The following TRAPPC9 variants were observed in gnomAD, a reference collection of about 807,000 sequenced individuals.
The protein encoded by TRAPPC9 is IKK2 binding protein.
Under a neutral mutation model 124.0 loss-of-function variants are expected in TRAPPC9, and 83 were observed. The observed-to-expected ratio is 0.67, with a 90% confidence interval of 0.56 to 0.80. The LOEUF is 0.80. Among genes scored for constraint, TRAPPC9 ranks in the 30% least tolerant of loss-of-function variants. The pLI is 0.00. For missense variants in TRAPPC9, 1,302 were observed against 1,508.3 expected (o/e 0.86, Z 2.27); for synonymous variants, 638 against 617.5 (o/e 1.03, Z -0.49).
chr8:140,059,273 T>C (rs1842454816), intron 17 of TRAPPC9, among the ~76,000 whole-genome samples: 1 of 152,238 alleles, frequency 6.6e-6, no homozygotes, highest in East Asian at 1.9e-4. Context: ...TTGAAATTCA[T>C]CCACGTTCTT....
chr8:140,333,466 C>T (rs973241094), intron 9 of TRAPPC9, among the ~76,000 whole-genome samples: 3 of 152,184 alleles, frequency 2.0e-5, no homozygotes, highest in East Asian at 1.9e-4. Flanking sequence ...GATCTCAGCT[C>T]GTTGCAACCT....
At chr8:140,374,887 GTAA>G (rs1443299950) in intron 7 of TRAPPC9, among the ~76,000 whole-genome samples, 1 of 152,200 alleles carries the variant, frequency 6.6e-6, no homozygotes, top group Non-Finnish European at 1.5e-5. Context: ...ACTATGATCA[GTAA>G]TAATATTACT....
intron 21 of TRAPPC9, among the ~76,000 whole-genome samples, chr8:139,813,660 G>A (rs1824600853): frequency 2.0e-5 from 3 of 152,194 alleles, no homozygotes; most frequent in Admixed American, 2.0e-4. Flanking sequence ...CTAGTTGAGG[G>A]GCCTCGGAAA....
rs191963694 is a variant in TRAPPC9 at position 140,447,017 on chromosome 8, C to T, written c.584+3773G>A. ...TGCCTTCATGCACGGCCCACAGCCA[C>T]AGCCGGGAATCACAGGCCAGAAACG... On this transcript the variant is annotated intron_variant, in intron 2 of 22. Coordinates refer to ENST00000438773, the MANE Select transcript of TRAPPC9 (RefSeq NM_001160372.4). 4.6e-3 allele frequency among the ~76,000 whole-genome samples: 695 copies of T among 152,364 alleles called. 4 individuals carry two copies. Among genetic ancestry groups the T allele is most frequent in the Non-Finnish European group, 7.3e-3 (497 of 68,040 alleles).
At chr8:140,026,078 C>T (rs1840130942) in intron 17 of TRAPPC9, among the ~76,000 whole-genome samples, 1 of 152,200 alleles carries the variant, frequency 6.6e-6, no homozygotes, top group Admixed American at 6.5e-5. Flanking sequence ...CTCTAGGCAC[C>T]TTGCATGAGT....
chr8:139,925,654 A>G (rs7824464), intron 19 of TRAPPC9, among the ~76,000 whole-genome samples: 10,367 of 151,866 alleles, frequency 0.068, 986 homozygotes, highest in African/African-American at 0.22. Flanking sequence ...AGGCTGAGGC[A>G]GGAGGATTGC....
In TRAPPC9 at chr8:139,896,355, T is replaced by C. The variant is rs1342070199; in HGVS notation, c.2965-10386A>G. Among the ~76,000 whole-genome samples, 6 of 152,348 alleles carry C rather than the reference T, an allele frequency of 3.9e-5. No homozygotes were observed. The South Asian group carries it at 8.3e-4, about 21-fold the overall frequency. ...ATGACAATAGTAGTTCCTATCATTA[T>C]TGCCACTATAGAGAACATTTCCAAG... On this transcript the variant is annotated intron_variant, in intron 20 of 22. Coordinates refer to ENST00000438773, the MANE Select transcript of TRAPPC9 (RefSeq NM_001160372.4).
At chr8:140,140,818 C>T (rs1587794372) in intron 17 of TRAPPC9, among the ~76,000 whole-genome samples, 2 of 152,260 alleles carry the variant, frequency 1.3e-5, no homozygotes, top group East Asian at 3.9e-4. Context: ...CCAGGCTCAA[C>T]TTCCACTAGA....
intron 2 of TRAPPC9, among the ~76,000 whole-genome samples, chr8:140,448,145 CAAAAA>C (rs56941791): frequency 1.1e-5 from 1 of 90,106 alleles, no homozygotes; most frequent in Non-Finnish European, 2.2e-5. Context: ...GACACCATCT[CAAAAA>C]AAAAAAAAAA....
At chr8:139,832,833 A>AT (rs1826079087) in intron 21 of TRAPPC9, among the ~76,000 whole-genome samples, 1 of 152,076 alleles carries the variant, frequency 6.6e-6, no homozygotes, top group Non-Finnish European at 1.5e-5. Context: ...CGTCCTCCCC[A>AT]TGAGGGTGTG....
At chr8:139,926,852 G>A (rs550699140) in intron 19 of TRAPPC9, among the ~76,000 whole-genome samples, 45 of 152,188 alleles carry the variant, frequency 3.0e-4, no homozygotes, top group African/African-American at 1.0e-3. Context: ...TGCATCAAAT[G>A]TAAAACTTTT....
At position 139,731,036 on chromosome 8, in the gene TRAPPC9, G is replaced by T. The variant is rs759094680; in HGVS notation, c.*25C>A. The T allele has an allele frequency of 3.7e-6, 6 of 1,610,496 alleles. No individual in the cohort carries two copies. The highest frequency in any genetic ancestry group is 5.1e-6 in the Non-Finnish European group (6 of 1,179,484). ...AGGCAGGGTCACCTCTGGCCCTGCA[G>T]AAAGAGGGACGGAAGTAGGCGGGCT... is the stretch of plus-strand genomic sequence containing the variant. On this transcript the variant is annotated 3_prime_UTR_variant, in exon 23 of 23. Coordinates refer to ENST00000438773, the MANE Select transcript of TRAPPC9 (RefSeq NM_001160372.4).
chr8:139,786,378 G>A (rs959926524), intron 21 of TRAPPC9, among the ~76,000 whole-genome samples: 3 of 152,206 alleles, frequency 2.0e-5, no homozygotes, highest in African/African-American at 7.2e-5. Flanking sequence ...TAATCCGTTA[G>A]AGGGCCTAGG....
At chr8:140,071,967 A>G (rs1843180206) in intron 17 of TRAPPC9, among the ~76,000 whole-genome samples, 1 of 152,222 alleles carries the variant, frequency 6.6e-6, no homozygotes, top group Non-Finnish European at 1.5e-5. Flanking sequence ...AATGATTAAA[A>G]TCACACAATC....
At chr8:140,035,048 AC>A (rs527427237) in intron 17 of TRAPPC9, among the ~76,000 whole-genome samples, 2 of 152,252 alleles carry the variant, frequency 1.3e-5, no homozygotes, top group South Asian at 4.1e-4. Context: ...CCTTCTGTAT[AC>A]ACAGCTGGAG....
intron 15 of TRAPPC9, among the ~76,000 whole-genome samples, chr8:140,261,140 G>A (rs767767137): frequency 6.6e-5 from 10 of 152,166 alleles, no homozygotes; most frequent in South Asian, 2.1e-4. Flanking sequence ...GACTTTCTGC[G>A]GCACCTGGCA....
intron 9 of TRAPPC9, among the ~76,000 whole-genome samples, chr8:140,332,116 T>C (rs1388584467): frequency 2.0e-5 from 3 of 152,180 alleles, no homozygotes; most frequent in African/African-American, 7.2e-5. Flanking sequence ...ATGTGCTATA[T>C]ATACACCGTG....
chr8:140,272,221 T>C (rs1385488207), intron 15 of TRAPPC9, among the ~76,000 whole-genome samples: 1 of 80,404 alleles, frequency 1.2e-5, no homozygotes, highest in East Asian at 3.8e-4. Flanking sequence ...GGGTGGTGGT[T>C]GTGTTGATAG....
intron 21 of TRAPPC9, among the ~76,000 whole-genome samples, chr8:139,835,022 G>A (rs1826241864): frequency 6.6e-6 from 1 of 152,180 alleles, no homozygotes; most frequent in Non-Finnish European, 1.5e-5. Context: ...GATGCCAAAG[G>A]TGAAGATTTC....
Sources: gnomAD v4.1 joint callset for allele counts (sites outside exome capture counted in the v4.1 genomes callset) on GRCh38, gnomAD v4.1.1 for gene constraint, MANE v1.5 for transcripts, NCBI Gene and HGNC (gene_info 2026-07-23, HGNC 2026-07-21) for gene names.